Variants in WWOX observed in about 807,000 individuals in gnomAD.
WWOX encodes WW domain-containing oxidoreductase.
Under a neutral mutation model 46.2 loss-of-function variants are expected in WWOX, and 69 were observed. That is an observed-to-expected ratio of 1.49 (90% confidence interval 1.23 to 1.82). WWOX has a LOEUF of 1.82. Ranked by LOEUF, WWOX falls within the 40% of genes most tolerant of loss-of-function variation. The pLI, the probability that WWOX is intolerant of heterozygous loss-of-function variation, is 0.00. For synonymous variants in WWOX, 359 were observed against 202.6 expected (o/e 1.77, Z -6.56); for missense variants, 919 against 542.6 (o/e 1.69, Z -6.89).
At chr16:78,769,939 C>T (rs932483373) in intron 8 of WWOX, among the ~76,000 whole-genome samples, 4 of 151,964 alleles carry the variant, frequency 2.6e-5, no homozygotes, top group African/African-American at 9.7e-5. Context: ...AGCTACTTGG[C>T]AGGCTGAAGC....
intron 8 of WWOX, among the ~76,000 whole-genome samples, chr16:79,068,168 G>C (rs1011799519): frequency 6.6e-6 from 1 of 152,206 alleles, no homozygotes; most frequent in East Asian, 1.9e-4. Context: ...TGATTGAGGA[G>C]AGAGCATTGG....
chr16:78,701,635 C>G (rs893274287), intron 8 of WWOX, among the ~76,000 whole-genome samples: 11 of 152,072 alleles, frequency 7.2e-5, no homozygotes, highest in African/African-American at 2.7e-4. Flanking sequence ...CCTTCTTTCC[C>G]TCTCCTCTGC....
At chr16:78,825,443 C>T (rs1045576090) in intron 8 of WWOX, 9 of 364,836 alleles carry the variant, frequency 2.5e-5, no homozygotes, top group African/African-American at 1.7e-4. Flanking sequence ...GCCAACAGAA[C>T]AAAAAATGTT....
In WWOX at chr16:78,950,911, G is replaced by A. The variant is rs117605285; in HGVS notation, c.1057-260697G>A. ...GAGGTGTGGTAGCTGAAGGCCCAAGGATAACATTGTCCAGATTTTCAGTCT... is the reference window on the plus strand; with the variant it reads ...GAGGTGTGGTAGCTGAAGGCCCAAGAATAACATTGTCCAGATTTTCAGTCT... On this transcript the variant is annotated intron_variant, in intron 8 of 8. Transcript: ENST00000566780. 3.1e-3 allele frequency among the ~76,000 whole-genome samples: 479 copies of A among 152,202 alleles called. 2 individuals are homozygous for A. The highest frequency in any genetic ancestry group is 4.6e-3 in the Non-Finnish European group (314 of 68,016).
intron 8 of WWOX, among the ~76,000 whole-genome samples, chr16:78,712,611 A>T (rs968105775): frequency 6.6e-6 from 1 of 152,296 alleles, no homozygotes; most frequent in Admixed American, 6.5e-5. Flanking sequence ...GCTCTCAAAG[A>T]CATTTTTCTG....
intron 8 of WWOX, among the ~76,000 whole-genome samples, chr16:78,814,694 C>T (rs2051285506): frequency 6.6e-6 from 1 of 152,176 alleles, no homozygotes; most frequent in African/African-American, 2.4e-5. Flanking sequence ...CAAGGTTTTC[C>T]AATCAGGTAT....
At chr16:78,740,729 C>A (rs898311514) in intron 8 of WWOX, among the ~76,000 whole-genome samples, 1 of 152,104 alleles carries the variant, frequency 6.6e-6, no homozygotes, top group African/African-American at 2.4e-5. Flanking sequence ...GGGAAGCATT[C>A]AATTTGACAC....
At chr16:78,536,630 C>G (rs540905140) in intron 8 of WWOX, among the ~76,000 whole-genome samples, 1 of 152,192 alleles carries the variant, frequency 6.6e-6, no homozygotes, top group South Asian at 2.1e-4. Context: ...TGAATCAATG[C>G]AATCCCATGC....
At chr16:79,211,276 C>G (rs528552898) in intron 8 of WWOX, among the ~76,000 whole-genome samples, 3 of 152,110 alleles carry the variant, frequency 2.0e-5, no homozygotes, top group Admixed American at 2.0e-4. Context: ...TGTTCTTGCA[C>G]GTTCAGAAGG....
At chr16:78,576,649 A>T (rs767909055) in intron 8 of WWOX, among the ~76,000 whole-genome samples, 1 of 152,194 alleles carries the variant, frequency 6.6e-6, no homozygotes, top group Non-Finnish European at 1.5e-5. Context: ...CCTGGGCACT[A>T]TAGTGAGACC....
chr16:78,753,076 C>CCT (rs1394020838), intron 8 of WWOX, among the ~76,000 whole-genome samples: 5 of 152,158 alleles, frequency 3.3e-5, no homozygotes, highest in Admixed American at 6.5e-5. Flanking sequence ...GGGTGGATCA[C>CCT]CTGAGGTCAG....
At chr16:78,851,782 G>C (rs1335456878) in intron 8 of WWOX, among the ~76,000 whole-genome samples, 2 of 152,312 alleles carry the variant, frequency 1.3e-5, no homozygotes, top group Non-Finnish European at 2.9e-5. Flanking sequence ...GGCTGTAGAT[G>C]AACTGTTCAA....
At chr16:78,862,746 G>C (rs2043918320) in intron 8 of WWOX, among the ~76,000 whole-genome samples, 1 of 152,042 alleles carries the variant, frequency 6.6e-6, no homozygotes, top group Admixed American at 6.6e-5. Context: ...TTCTCACTCA[G>C]CCTTTTATTT....
At chr16:78,559,395 G>A (rs77479344) in intron 8 of WWOX, among the ~76,000 whole-genome samples, 8,672 of 152,244 alleles carry the variant, frequency 0.057, 307 homozygotes, top group Non-Finnish European at 0.081. Context: ...ACTAAGACAT[G>A]CCTGTAGACT....
chr16:78,614,527 T>C, intron 8 of WWOX, among the ~76,000 whole-genome samples: 1 of 152,226 alleles, frequency 6.6e-6, no homozygotes, highest in South Asian at 2.1e-4. Context: ...GGCTCACTTC[T>C]GAAGCTGACC....
intron 8 of WWOX, among the ~76,000 whole-genome samples, chr16:78,688,481 T>C (rs778598123): frequency 1.3e-5 from 2 of 152,126 alleles, no homozygotes; most frequent in Admixed American, 1.3e-4. Flanking sequence ...ACCCACCATA[T>C]TGAGAGAATA....
chr16:78,575,006 T>TATATATAA (rs2044819056), intron 8 of WWOX, among the ~76,000 whole-genome samples: 1 of 13,906 alleles, frequency 7.2e-5, no homozygotes, highest in Non-Finnish European at 1.1e-4. Context: ...CAATTATATA[T>TATATATAA]ATATATATAT....
Position 79,188,687 on chromosome 16 carries a change from A to C in WWOX, c.1057-22921A>C, listed in dbSNP as rs897136984. Among the ~76,000 whole-genome samples, 16 of 152,340 alleles carry C rather than the reference A, an allele frequency of 1.1e-4. 1 individual carries two copies. Among genetic ancestry groups the C allele is most frequent in the Middle Eastern group, 3.4e-3 (1 of 294 alleles). ...TTGCATGTGCTGGGTTGGGTCCTCCAAGTCTCTTAGCACAAAGTCCTGATG... is the reference window on the plus strand; with the variant it reads ...TTGCATGTGCTGGGTTGGGTCCTCCCAGTCTCTTAGCACAAAGTCCTGATG... On this transcript the variant is annotated intron_variant, in intron 8 of 8. Coordinates refer to ENST00000566780, the MANE Select transcript of WWOX (RefSeq NM_016373.4).
At chr16:78,769,804 C>T (rs192150978) in intron 8 of WWOX, among the ~76,000 whole-genome samples, 12 of 149,470 alleles carry the variant, frequency 8.0e-5, no homozygotes, top group Admixed American at 2.7e-4. Flanking sequence ...TCCAGGAGTT[C>T]GAGATCAGTG....
Sources: gnomAD v4.1 joint callset for allele counts (sites outside exome capture counted in the v4.1 genomes callset) on GRCh38, gnomAD v4.1.1 for gene constraint, MANE v1.5 for transcripts, NCBI Gene and HGNC (gene_info 2026-07-23, HGNC 2026-07-21) for gene names.